Variants in ADCY8 observed in about 807,000 individuals in gnomAD.
ADCY8 encodes the protein adenylate cyclase 8, also known as adenylate cyclase type 8.
In ADCY8, 51 loss-of-function variants were observed where a neutral mutation model predicts 119.7. That is an observed-to-expected ratio of 0.43 (90% CI 0.34 to 0.54). The LOEUF is 0.54. ADCY8 is among the 20% of genes least tolerant of loss of function. ADCY8 has a pLI of 0.03. For synonymous variants in ADCY8, 665 were observed against 651.0 expected (o/e 1.02, Z -0.33); for missense variants, 1,383 against 1,598.8 (o/e 0.87, Z 2.30).
At position 130,800,464 on chromosome 8, in the gene ADCY8, G is replaced by T. The variant is rs780259353; in HGVS notation, c.3022C>A (p.Leu1008Met). 3.1e-6 allele frequency: 5 copies of T among 1,614,072 alleles called. No homozygotes were observed. Among genetic ancestry groups the T allele is most frequent in the Non-Finnish European group, 4.2e-6 (5 of 1,180,038 alleles). ...TEMNNQGVEC[L>M]RLLNEIIADF... ...GCAATGATCTCATTGAGCAAGCGCAGGCATTCCACTCCCTGGTTATTCATT... is the reference window on the plus strand; with the variant it reads ...GCAATGATCTCATTGAGCAAGCGCATGCATTCCACTCCCTGGTTATTCATT... The change falls in exon 15 of 18, where the codon CTG (leucine) becomes ATG (methionine). Residue 1008 changes from leucine (L) to methionine (M), a missense_variant. This residue lies in a region of ADCY8 where 928 missense variants were observed against 1,163.5 expected (regional missense o/e 0.80). Coordinates refer to ENST00000286355, the MANE Select transcript of ADCY8 (RefSeq NM_001115.3).
At chr8:130,791,783 C>T (rs1815433368) in intron 15 of ADCY8, among the ~76,000 whole-genome samples, 1 of 152,208 alleles carries the variant, frequency 6.6e-6, no homozygotes, top group African/African-American at 2.4e-5. Flanking sequence ...CCGAGCCCCA[C>T]AGGTGTTTAC....
At chr8:130,953,395 C>T (rs576933579) in intron 2 of ADCY8, among the ~76,000 whole-genome samples, 81 of 152,228 alleles carry the variant, frequency 5.3e-4, no homozygotes, top group African/African-American at 1.7e-3. Context: ...GTGTTTCTCT[C>T]GAAACCCTGA....
intron 9 of ADCY8, among the ~76,000 whole-genome samples, chr8:130,856,658 A>G (rs1817745547): frequency 6.6e-6 from 1 of 152,216 alleles, no homozygotes. Flanking sequence ...ACACATAAAT[A>G]TCGACATACA....
chr8:130,792,992 G>T (rs904917452), intron 15 of ADCY8, among the ~76,000 whole-genome samples: 10 of 152,092 alleles, frequency 6.6e-5, no homozygotes, highest in Admixed American at 5.2e-4. Context: ...ATGTTGTGTG[G>T]CCAGGAGCTG....
chr8:130,865,566 T>C (rs1049082556), intron 9 of ADCY8, among the ~76,000 whole-genome samples: 1 of 152,178 alleles, frequency 6.6e-6, no homozygotes, highest in African/African-American at 2.4e-5. Flanking sequence ...TTTATAATAG[T>C]ATAGTATTGC....
chr8:130,963,185 G>A (rs1821659826), intron 2 of ADCY8, among the ~76,000 whole-genome samples: 1 of 150,716 alleles, frequency 6.6e-6, no homozygotes, highest in South Asian at 2.1e-4. Context: ...AAGTCCAGGA[G>A]TAAGTGGCTT....
At chr8:130,785,563 G>A (rs1815224989) in intron 15 of ADCY8, 88 bp from the exon 16 acceptor site, 2 of 853,552 alleles carry the variant, frequency 2.3e-6, no homozygotes, top group Non-Finnish European at 3.6e-6. Flanking sequence ...GGCTCACAAT[G>A]AGCTACCTCT....
intron 1 of ADCY8, among the ~76,000 whole-genome samples, chr8:131,030,952 C>T (rs908496759): frequency 6.6e-6 from 1 of 152,164 alleles, no homozygotes; most frequent in Non-Finnish European, 1.5e-5. Context: ...TGGCCTCTTG[C>T]CCTTTGTCTT....
In ADCY8 at chr8:131,024,325, T is replaced by C. The variant is rs182079047; in HGVS notation, c.960+15049A>G. On this transcript the variant is annotated intron_variant, in intron 1 of 17. Coordinates refer to ENST00000286355, the MANE Select transcript of ADCY8 (RefSeq NM_001115.3). The stretch of plus-strand genomic sequence containing the variant: ...GTGTTTGTTTACTGCTGTATATTGG[T>C]TCAAAATGTTTTCTTATTCATTAGC... 9.1e-4 allele frequency among the ~76,000 whole-genome samples: 138 copies of C among 152,366 alleles called. 1 individual carries two copies. The highest frequency in any genetic ancestry group is 2.2e-3 in the Admixed American group (33 of 15,300).
Position 131,008,077 on chromosome 8 carries a change from G to A in ADCY8, c.961-17535C>T, listed in dbSNP as rs189077397. ...GGTTTTGACAATGAAAGGGCTGTTT[G>A]TAGTAATTCTGTTAGGGTCAGAGGT... On this transcript the variant is annotated intron_variant, in intron 1 of 17. Transcript: ENST00000286355. Among the ~76,000 whole-genome samples, 20 of 152,294 alleles carry A rather than the reference G, an allele frequency of 1.3e-4. 1 individual carries two copies. The highest frequency in any genetic ancestry group is 4.3e-4 in the African/African-American group (18 of 41,566).
At chr8:131,003,900 G>T (rs1330128886) in intron 1 of ADCY8, among the ~76,000 whole-genome samples, 2 of 152,116 alleles carry the variant, frequency 1.3e-5, no homozygotes, top group Non-Finnish European at 2.9e-5. Context: ...AAGAGGAAGA[G>T]GAGGGGGAGG....
intron 1 of ADCY8, among the ~76,000 whole-genome samples, chr8:131,015,921 A>G (rs762388879): frequency 6.6e-6 from 1 of 152,164 alleles, no homozygotes. Context: ...GCCTGTGTCT[A>G]CCTAAGAATG....
At chr8:130,998,790 G>A (rs532330056) in intron 1 of ADCY8, among the ~76,000 whole-genome samples, 2 of 152,122 alleles carry the variant, frequency 1.3e-5, no homozygotes, top group Admixed American at 6.6e-5. Context: ...GAGACAACAG[G>A]ATTTGCTGGT....
chr8:130,891,440 T>C (rs1450314963), intron 7 of ADCY8, among the ~76,000 whole-genome samples: 1 of 152,186 alleles, frequency 6.6e-6, no homozygotes. Context: ...ATTATAATAA[T>C]ATACAATTAT....
chr8:130,913,846 C>T (rs775610750), intron 5 of ADCY8, among the ~76,000 whole-genome samples: 2 of 152,300 alleles, frequency 1.3e-5, no homozygotes. Context: ...ATATCACAGA[C>T]TTTAGTGCTA....
At chr8:130,797,545 A>G (rs1302731742) in intron 15 of ADCY8, among the ~76,000 whole-genome samples, 1 of 152,210 alleles carries the variant, frequency 6.6e-6, no homozygotes, top group Admixed American at 6.5e-5. Context: ...TGCCATGTCC[A>G]TCTCTTATGT....
intron 7 of ADCY8, among the ~76,000 whole-genome samples, chr8:130,893,907 T>C (rs1819295696): frequency 6.6e-6 from 1 of 152,018 alleles, no homozygotes; most frequent in Non-Finnish European, 1.5e-5. Context: ...TGTGTGTGGT[T>C]GTGGTTGTGT....
intron 4 of ADCY8, among the ~76,000 whole-genome samples, chr8:130,942,073 T>A (rs1186601764): frequency 1.3e-5 from 2 of 152,204 alleles, no homozygotes; most frequent in African/African-American, 2.4e-5. Context: ...TCCATATGCT[T>A]ACTCCATTCC....
chr8:130,943,410 C>G lies in ADCY8; in HGVS notation c.1294G>C (p.Ala432Pro). 1.3e-6 allele frequency: 2 copies of G among 1,568,284 alleles called. No individual in the cohort carries two copies. The highest frequency in any genetic ancestry group is 1.7e-6 in the Non-Finnish European group (2 of 1,157,624). The change falls in exon 4 of 18, where the codon GCT becomes CCT. Residue 432 changes from alanine to proline, a missense_variant. Physicochemically the swap from Ala to Pro is conservative, Grantham distance 27 (BLOSUM62 -1). Around this residue, in one of 2 missense-constraint regions of ADCY8, gnomAD observed 928 missense variants for 1,163.5 expected, o/e 0.80. Transcript: ENST00000286355. ...TTGAGCATCCTGACCAGCTCCTGAGCAGACAAGGTCGTGGAGAGGTTGGTA... is the reference window on the plus strand; with the variant it reads ...TTGAGCATCCTGACCAGCTCCTGAGGAGACAAGGTCGTGGAGAGGTTGGTA... ...GFTNLSTTLS[A>P]QELVRMLNEL...
Sources: allele counts gnomAD v4.1 joint callset (sites outside exome capture counted in the v4.1 genomes callset), GRCh38; gene constraint gnomAD v4.1.1; regional missense constraint gnomAD v4.1.1; transcripts MANE v1.5; gene names NCBI Gene and HGNC (gene_info 2026-07-23, HGNC 2026-07-21).